The following PTPN14 variants were observed in gnomAD, a reference collection of about 807,000 sequenced individuals.
PTPN14 encodes the protein protein tyrosine phosphatase non-receptor type 14.
PTPN14 carries 53 observed loss-of-function variants against 126.8 expected under a neutral mutation model. That is an observed-to-expected ratio of 0.42 (90% CI 0.34 to 0.53). PTPN14 has a LOEUF of 0.53. Among genes scored for constraint, PTPN14 ranks in the 20% least tolerant of loss-of-function variants. The probability of loss-of-function intolerance (pLI) is 0.08; values close to 1 mark genes in which losing one functional copy is unlikely to be tolerated. For synonymous variants in PTPN14, 630 were observed against 599.3 expected (o/e 1.05, Z -0.75); for missense variants, 1,257 against 1,552.9 (o/e 0.81, Z 3.20).
At chr1:214,442,474 CTCAA>C (rs889357463) in intron 3 of PTPN14, among the ~76,000 whole-genome samples, 18 of 152,194 alleles carry the variant, frequency 1.2e-4, no homozygotes, top group African/African-American at 3.9e-4. Flanking sequence ...TATAAAGCAT[CTCAA>C]TCAAACATCT....
chr1:214,360,086 G>A (rs1360894402), intron 18 of PTPN14, among the ~76,000 whole-genome samples: 1 of 152,130 alleles, frequency 6.6e-6, no homozygotes, highest in Non-Finnish European at 1.5e-5. Context: ...ACTCTGCTCT[G>A]GGAGCTCTTA....
intron 17 of PTPN14, among the ~76,000 whole-genome samples, chr1:214,366,876 G>A (rs1266305728): frequency 2.0e-5 from 3 of 151,628 alleles, no homozygotes; most frequent in South Asian, 2.1e-4. Flanking sequence ...CCAGCTACTC[G>A]GAGAGGCTGA....
In PTPN14 at chr1:214,490,785, C is replaced by T. The variant is rs57585337; in HGVS notation, c.-154-25828G>A. ...CCGGGAGGTGGAGGTTGCAGTGAGC[C>T]GAGATTGCGCCACTGCACTCCAGCC... On this transcript the variant is annotated intron_variant, in intron 1 of 18. Transcript: ENST00000366956. Among the ~76,000 whole-genome samples the T allele has an allele frequency of 4.8e-3, 688 of 142,760 alleles. 4 individuals are homozygous for T. The highest frequency in any genetic ancestry group is 0.016 in the African/African-American group (599 of 38,304). 93.7% of individuals were successfully genotyped at this position (142,760 alleles called of 152,430 possible).
At chr1:214,371,511 G>A (rs6668557) in intron 16 of PTPN14, among the ~76,000 whole-genome samples, 14,389 of 152,178 alleles carry the variant, frequency 0.095, 878 homozygotes, top group Middle Eastern at 0.18. Context: ...TTTCTGCCAC[G>A]GCACTTACTG....
intron 16 of PTPN14, among the ~76,000 whole-genome samples, chr1:214,370,410 TC>T (rs1658191733): frequency 6.6e-6 from 1 of 152,072 alleles, no homozygotes; most frequent in Non-Finnish European, 1.5e-5. Context: ...TTGGATTTCA[TC>T]CCATGGGCAC....
chr1:214,482,967 A>G (rs1424947218), intron 1 of PTPN14: 5 of 1,599,136 alleles, frequency 3.1e-6, no homozygotes, highest in Non-Finnish European at 4.3e-6. Context: ...TTGTGCATCA[A>G]TTTGTGTAAC....
intron 1 of PTPN14, among the ~76,000 whole-genome samples, chr1:214,543,963 G>A (rs1445370735): frequency 1.3e-5 from 2 of 152,140 alleles, no homozygotes; most frequent in East Asian, 3.8e-4. Flanking sequence ...TCTGCAAAAT[G>A]GCAACATCAT....
chr1:214,437,950 C>T (rs1165241202), intron 3 of PTPN14, among the ~76,000 whole-genome samples: 1 of 152,212 alleles, frequency 6.6e-6, no homozygotes, highest in Non-Finnish European at 1.5e-5. Flanking sequence ...GGAGTCAGGA[C>T]TGGGGTACAA....
chr1:214,441,615 A>G (rs1035410862), intron 3 of PTPN14, among the ~76,000 whole-genome samples: 53 of 152,196 alleles, frequency 3.5e-4, no homozygotes, highest in African/African-American at 1.2e-3. Flanking sequence ...TTGACACACC[A>G]TTCTCAATCC....
intron 6 of PTPN14, among the ~76,000 whole-genome samples, chr1:214,402,665 GGAAGGA>G: frequency 7.3e-6 from 1 of 136,298 alleles, no homozygotes; most frequent in Non-Finnish European, 1.6e-5. Context: ...AAGGAAGGAA[GGAAGGA>G]AGGAAGGGAG....
intron 3 of PTPN14, among the ~76,000 whole-genome samples, chr1:214,431,888 TAAGA>T (rs1474318240): frequency 6.6e-6 from 1 of 152,168 alleles, no homozygotes; most frequent in Non-Finnish European, 1.5e-5. Flanking sequence ...TTGTTAATAT[TAAGA>T]AAGATCAGCC....
At chr1:214,491,045 G>T (rs1284907731) in intron 1 of PTPN14, among the ~76,000 whole-genome samples, 1 of 150,168 alleles carries the variant, frequency 6.7e-6, no homozygotes, top group Admixed American at 6.6e-5. Context: ...AAGAAAGAAA[G>T]AAAGAAAGAA....
At chr1:214,362,399 T>C (rs184274253) in intron 18 of PTPN14, among the ~76,000 whole-genome samples, 1 of 152,348 alleles carries the variant, frequency 6.6e-6, no homozygotes, top group East Asian at 1.9e-4. Context: ...TGGCATGCAG[T>C]TGGGCACTGA....
At chr1:214,451,125 A>G (rs1660263282) in intron 3 of PTPN14, among the ~76,000 whole-genome samples, 1 of 151,386 alleles carries the variant, frequency 6.6e-6, no homozygotes, top group South Asian at 2.1e-4. Flanking sequence ...AAAAGGGTGG[A>G]CAAAACAGAA....
intron 2 of PTPN14, among the ~76,000 whole-genome samples, chr1:214,459,927 A>T (rs919001882): frequency 2.0e-5 from 3 of 152,246 alleles, no homozygotes; most frequent in Non-Finnish European, 4.4e-5. Flanking sequence ...GAAGGCTAAG[A>T]TAACTGTGAA....
intron 3 of PTPN14, among the ~76,000 whole-genome samples, chr1:214,447,598 T>A (rs1298148777): frequency 6.6e-6 from 1 of 152,054 alleles, no homozygotes; most frequent in Non-Finnish European, 1.5e-5. Flanking sequence ...TGTTCCTCCA[T>A]ATTCCCAGCT....
intron 16 of PTPN14, chr1:214,372,418 C>G: frequency 2.9e-6 from 1 of 339,616 alleles, no homozygotes; most frequent in South Asian, 2.7e-5. Flanking sequence ...TAAAGTCTGT[C>G]ATTTTTGGTT....
At chr1:214,456,642 T>C (rs552953784) in intron 2 of PTPN14, among the ~76,000 whole-genome samples, 38 of 152,180 alleles carry the variant, frequency 2.5e-4, no homozygotes, top group Middle Eastern at 6.8e-3. Context: ...GCAAGTCCCA[T>C]AGCCAAGAAA....
intron 1 of PTPN14, among the ~76,000 whole-genome samples, chr1:214,491,001 GA>G (rs1338281622): frequency 7.1e-4 from 78 of 110,424 alleles, no homozygotes; most frequent in Admixed American, 4.9e-3. Flanking sequence ...GGAAGGAAAG[GA>G]AAGAAAGGAA....
Sources: allele counts gnomAD v4.1 joint callset (sites outside exome capture counted in the v4.1 genomes callset), GRCh38; gene constraint gnomAD v4.1.1; transcripts MANE v1.5; gene names NCBI Gene and HGNC (gene_info 2026-07-23, HGNC 2026-07-21).